The following SIGLEC12 variants were observed in gnomAD, a reference collection of about 807,000 sequenced individuals.
The protein encoded by SIGLEC12 is sialic acid-binding Ig-like lectin 12.
Under a neutral mutation model 54.1 loss-of-function variants are expected in SIGLEC12, and 43 were observed. The ratio of observed to expected loss-of-function variants is 0.80; its 90% CI spans 0.62 to 1.03. SIGLEC12 has a LOEUF of 1.03. Among genes scored for constraint, SIGLEC12 ranks in the 50% least tolerant of loss-of-function variants. The probability of loss-of-function intolerance (pLI) is 0.00; values close to 1 mark genes in which losing one functional copy is unlikely to be tolerated. For missense variants in SIGLEC12, 802 were observed against 735.2 expected, an observed-to-expected ratio of 1.09 and a Z score of -1.05; for synonymous variants, 357 against 307.6, an observed-to-expected ratio of 1.16 and a Z score of -1.68.
intron 4 of SIGLEC12, among the ~76,000 whole-genome samples, 195 bp downstream of exon 4, chr19:51,498,975 G>A (rs1990315198): frequency 1.3e-5 from 2 of 152,084 alleles, no homozygotes; most frequent in African/African-American, 4.8e-5. Flanking sequence ...GGCCAAAATA[G>A]GTGTGTGTGT....
chr19:51,496,428 G>A (rs901686147), intron 7 of SIGLEC12, among the ~76,000 whole-genome samples: 2 of 152,084 alleles, frequency 1.3e-5, no homozygotes, highest in African/African-American at 2.4e-5. Flanking sequence ...TCGCACCATC[G>A]CACTTCAGCC....
intron 7 of SIGLEC12, among the ~76,000 whole-genome samples, chr19:51,495,526 TAAAC>T (rs1990221562): frequency 6.6e-6 from 1 of 152,206 alleles, no homozygotes; most frequent in African/African-American, 2.4e-5. Flanking sequence ...GTTGGATGAA[TAAAC>T]AAAAATAAAC....
chr19:51,498,411 C>T (rs1038194392), intron 4 of SIGLEC12, 124 bp from the exon 5 acceptor site: 50 of 758,602 alleles, frequency 6.6e-5, no homozygotes, highest in African/African-American at 1.0e-4. Flanking sequence ...GACATATGCA[C>T]GTTCACTGCT....
chr19:51,491,555 G>C lies in SIGLEC12; in HGVS notation c.*86C>G. ...TGATGTCCTGTTGCACAGCATGGAG[G>C]GCTGTTAATTCTAAAGGAATCAGTC... On this transcript the variant is annotated 3_prime_UTR_variant, in exon 8 of 8. Coordinates refer to ENST00000291707, the MANE Select transcript of SIGLEC12 (RefSeq NM_053003.4). 7.8e-7 allele frequency: 1 copy of C among 1,277,090 alleles called. No homozygotes were observed. The highest frequency in any genetic ancestry group is 1.1e-6 in the Non-Finnish European group (1 of 885,168). 79.1% of individuals were successfully genotyped at this position (1,277,090 alleles called of 1,614,324 possible). A position where few individuals can be genotyped will look rare whatever the true frequency, so the allele number is the denominator to read the frequency against.
chr19:51,491,602 G>C lies in SIGLEC12; in HGVS notation c.*39C>G, dbSNP rs747411180. 2 of 1,597,096 alleles carry C rather than the reference G, an allele frequency of 1.3e-6. No individual in the cohort carries two copies. Among genetic ancestry groups the C allele is most frequent in the Non-Finnish European group, 8.6e-7 (1 of 1,165,398 alleles). Reference sequence around the variant, plus strand: ...AGTCTCGGGCTTCTTTGCTGCAGGGGTCGTGAGCCCTCAAACAGGCCTGAG... The same window carrying C: ...AGTCTCGGGCTTCTTTGCTGCAGGGCTCGTGAGCCCTCAAACAGGCCTGAG... On this transcript the variant is annotated 3_prime_UTR_variant, in exon 8 of 8. Transcript: ENST00000291707.
In SIGLEC12 at chr19:51,497,333, C is replaced by T. The variant is rs746564482; in HGVS notation, c.1502+16G>A. ...GCCCTCCCCCAAGGCTCTTCCTCCCCAGGGTCAATGCTCACACAACGAAGA... is the reference window on the plus strand; with the variant it reads ...GCCCTCCCCCAAGGCTCTTCCTCCCTAGGGTCAATGCTCACACAACGAAGA... On this transcript the variant is annotated intron_variant, in intron 6 of 7. Transcript: ENST00000291707. The T allele has an allele frequency of 1.7e-5, 27 of 1,608,732 alleles. No homozygotes were observed. In the Admixed American group the frequency reaches 3.3e-4, roughly 20 times the overall value.
rs1243026296 is a variant in SIGLEC12, at chr19:51,500,021, C to T, written c.707G>A (p.Arg236Lys). 12 of 1,614,198 alleles carry T rather than the reference C, an allele frequency of 7.4e-6. No homozygotes were observed. Among genetic ancestry groups the T allele is most frequent in the Non-Finnish European group, 9.3e-6 (11 of 1,180,016 alleles). Residue 236 changes from arginine (R) to lysine (K), a missense_variant, in exon 2 of 8, where the codon AGA (arginine) becomes AAA (lysine). Arg to Lys is a conservative substitution (Grantham distance 26). Transcript: ENST00000291707. The part of the protein sequence containing the change: ...PQTNNCSLSI[R>K]DARKGDSGKY... ...CCCTGAATCCCCCTTCCTGGCATCT[C>T]TGATGCTCAGGGAGCAGTTGTTGGT...
In SIGLEC12 at chr19:51,491,452, G is replaced by A. The variant is rs903078917; in HGVS notation, c.*189C>T. The A allele has an allele frequency of 3.4e-6, 2 of 595,416 alleles. No homozygotes were observed. The highest frequency in any genetic ancestry group is 3.0e-6 in the Non-Finnish European group (1 of 338,438). The allele number at this position is 595,416 out of a possible 1,614,324, so 36.9% of individuals were successfully genotyped here. On this transcript the variant is annotated 3_prime_UTR_variant, in exon 8 of 8. Transcript: ENST00000291707. ...GGGTACCAGAGGCCGGGGGCGGGGAGTGTGGACCGATTGGATGGAGAAAGG... is the reference window on the plus strand; with the variant it reads ...GGGTACCAGAGGCCGGGGGCGGGGAATGTGGACCGATTGGATGGAGAAAGG...
At chr19:51,501,155 A>G in intron 1 of SIGLEC12, 152 bp downstream of exon 1, 5 of 800,890 alleles carry the variant, frequency 6.2e-6, no homozygotes. Flanking sequence ...GGGGCATCCA[A>G]GGTGCGGTCC....
chr19:51,499,573 C>T lies in SIGLEC12; in HGVS notation c.952G>A (p.Asp318Asn). 1 of 1,612,246 alleles carries T rather than the reference C, an allele frequency of 6.2e-7. No homozygotes were observed. Among genetic ancestry groups the T allele is most frequent in the East Asian group, 2.2e-5 (1 of 44,862 alleles). ...ATCGAGGAGCGAGTGATAGTGGGGT[C>T]CAGGGAGGACACGGAGGCCCCCATC... Reference protein sequence around the residue: ...TWMGASVSSLDPTITRSSMLS... With the variant: ...TWMGASVSSLNPTITRSSMLS... The change falls in exon 3 of 8, where the codon GAC (aspartate) becomes AAC (asparagine). Residue 318 changes from aspartate to asparagine, a missense_variant. Physicochemically the swap from Asp to Asn is conservative, Grantham distance 23. Transcript: ENST00000291707.
At position 51,496,937 on chromosome 19, in the gene SIGLEC12, C is replaced by T. The variant is rs1990256700; in HGVS notation, c.1542G>A (p.Val514=). Residue 514 remains valine (V), a synonymous_variant, in exon 7 of 8, where the codon GTG becomes GTA. Coordinates refer to ENST00000291707, the MANE Select transcript of SIGLEC12 (RefSeq NM_053003.4). ...CCTCCATGCCTGTATCCCCCACGCC[C>T]ACTGCTGGCCTTGCCGATTTCTTCC... The part of the protein sequence containing the change: ...SCRKKSARPA[V]GVGDTGMEDA... The T allele has an allele frequency of 1.9e-6, 3 of 1,613,712 alleles. No homozygotes were observed. Among genetic ancestry groups the T allele is most frequent in the Non-Finnish European group, 2.5e-6 (3 of 1,180,014 alleles).
chr19:51,494,597 A>G (rs1990178855), intron 7 of SIGLEC12, among the ~76,000 whole-genome samples: 1 of 152,226 alleles, frequency 6.6e-6, no homozygotes, highest in South Asian at 2.1e-4. Flanking sequence ...TAGAGTCCAG[A>G]AACCCTACTT....
rs778675768 is a variant in SIGLEC12 at position 51,498,300 on chromosome 19, A to C, written c.1136-13T>G. The C allele has an allele frequency of 1.6e-5, 25 of 1,589,118 alleles. No individual in the cohort carries two copies. The Admixed American group carries it at 4.3e-4, about 27-fold the overall frequency. On this transcript the variant is annotated splice_polypyrimidine_tract_variant and intron_variant, in intron 4 of 7. Coordinates refer to ENST00000291707, the MANE Select transcript of SIGLEC12 (RefSeq NM_053003.4). ...AAGGTTGTGGATGCTGTAGAGAAAG[A>C]GACAGAAGGGCAGAGAGAGACAAAG...
chr19:51,499,143 A>G, intron 4 of SIGLEC12, 27 bp downstream of exon 4: 1 of 1,613,150 alleles, frequency 6.2e-7, no homozygotes, highest in East Asian at 2.2e-5. Flanking sequence ...CTGCTCCTCC[A>G]GCCCCAGGGA....
At chr19:51,492,351 G>A (rs1418078207) in intron 7 of SIGLEC12, among the ~76,000 whole-genome samples, 2 of 152,220 alleles carry the variant, frequency 1.3e-5, no homozygotes, top group African/African-American at 4.8e-5. Context: ...GGTAGGAAGA[G>A]GGCAAGTGAG....
intron 1 of SIGLEC12, among the ~76,000 whole-genome samples, chr19:51,500,805 G>A (rs1262071072): frequency 3.9e-5 from 6 of 151,910 alleles, no homozygotes; most frequent in African/African-American, 1.2e-4. Context: ...AGGTGCCTCT[G>A]CTGCCCTTGG....
intron 4 of SIGLEC12, among the ~76,000 whole-genome samples, 191 bp downstream of exon 4, chr19:51,498,979 T>C (rs1018027930): frequency 6.6e-6 from 1 of 151,382 alleles, no homozygotes; most frequent in Non-Finnish European, 1.5e-5. Flanking sequence ...AAAATAGGTG[T>C]GTGTGTGGAG....
chr19:51,501,250 G>C, intron 1 of SIGLEC12, 57 bp downstream of exon 1: 1 of 1,556,592 alleles, frequency 6.4e-7, no homozygotes, highest in Non-Finnish European at 8.8e-7. Context: ...CGTCTCAGCC[G>C]TGCCCTAAAG....
In SIGLEC12 at chr19:51,498,241, G is replaced by A; in HGVS notation, c.1182C>T (p.Gly394=). 1 of 1,613,806 alleles carries A rather than the reference G, an allele frequency of 6.2e-7. No homozygotes were observed. Among genetic ancestry groups the A allele is most frequent in the Non-Finnish European group, 8.5e-7 (1 of 1,179,804 alleles). ...RNGSALSVLE[G]QSLHLVCAVD... is the part of the protein sequence containing the mutation. Reference sequence around the variant, plus strand: ...CAGCACAGACAAGGTGCAGGGACTGGCCCTCCAGGACTGAAAGGGCCGAGC... The same window carrying A: ...CAGCACAGACAAGGTGCAGGGACTGACCCTCCAGGACTGAAAGGGCCGAGC... Residue 394 remains glycine, a synonymous_variant, in exon 5 of 8, where the codon GGC becomes GGT. Coordinates refer to ENST00000291707, the MANE Select transcript of SIGLEC12 (RefSeq NM_053003.4).
Sources: gnomAD v4.1 joint callset for allele counts (sites outside exome capture counted in the v4.1 genomes callset) on GRCh38, gnomAD v4.1.1 for gene constraint, MANE v1.5 for transcripts, NCBI Gene and HGNC (gene_info 2026-07-23, HGNC 2026-07-21) for gene names.